IMMP2L: variants seen among roughly 807,000 people sequenced by gnomAD.
The protein encoded by IMMP2L is mitochondrial inner membrane protease subunit 2.
IMMP2L carries 18 observed loss-of-function variants against 19.3 expected under a neutral mutation model. The ratio of observed to expected loss-of-function variants is 0.93; its 90% confidence interval spans 0.64 to 1.38. The LOEUF is 1.38. Ranked by LOEUF, IMMP2L falls within the 40% of genes most tolerant of loss-of-function variation. The pLI, the probability that IMMP2L is intolerant of heterozygous loss-of-function variation, is 0.00. For synonymous variants in IMMP2L, 76 were observed against 73.0 expected, an observed-to-expected ratio of 1.04 and a Z score of -0.21; for missense variants, 233 against 218.2, an observed-to-expected ratio of 1.07 and a Z score of -0.43.
intron 3 of IMMP2L, chr7:111,124,749 C>T (rs775332677): frequency 1.2e-6 from 2 of 1,613,814 alleles, no homozygotes; most frequent in Non-Finnish European, 1.7e-6. Context: ...ATGGTGGACA[C>T]AGCTATGTGA....
intron 5 of IMMP2L, among the ~76,000 whole-genome samples, chr7:110,699,666 G>T (rs1006264397): frequency 1.1e-4 from 16 of 151,800 alleles, no homozygotes; most frequent in African/African-American, 3.4e-4. Flanking sequence ...AGCTGGGGAG[G>T]CTGAGGCAGG....
chr7:111,428,467 T>C (rs1256789639), intron 3 of IMMP2L, among the ~76,000 whole-genome samples: 1 of 151,812 alleles, frequency 6.6e-6, no homozygotes, highest in Admixed American at 6.6e-5. Flanking sequence ...ATGCTTCATA[T>C]GTGAAATAAA....
chr7:111,546,373 A>T (rs537861666), intron 1 of IMMP2L, among the ~76,000 whole-genome samples: 22 of 150,362 alleles, frequency 1.5e-4, no homozygotes, highest in Non-Finnish European at 6.0e-5. Flanking sequence ...ATTAGGTTTT[A>T]AAAAAAGGCA....
intron 3 of IMMP2L, among the ~76,000 whole-genome samples, chr7:111,155,887 A>G (rs1288163408): frequency 6.6e-6 from 1 of 152,070 alleles, no homozygotes; most frequent in Non-Finnish European, 1.5e-5. Context: ...TTGCCTCTTT[A>G]AAAGTAACAA....
intron 3 of IMMP2L, among the ~76,000 whole-genome samples, chr7:111,087,910 C>T (rs1796496086): frequency 6.6e-6 from 1 of 152,242 alleles, no homozygotes; most frequent in African/African-American, 2.4e-5. Context: ...ACCCGGTATA[C>T]ATATTAACTG....
intron 5 of IMMP2L, among the ~76,000 whole-genome samples, chr7:110,775,608 A>T (rs1177792667): frequency 2.6e-5 from 4 of 152,088 alleles, no homozygotes; most frequent in Non-Finnish European, 4.4e-5. Context: ...GTTCAAAGCC[A>T]TACCTAGAGG....
At chr7:110,804,449 G>C (rs1277250516) in intron 5 of IMMP2L, among the ~76,000 whole-genome samples, 2 of 151,962 alleles carry the variant, frequency 1.3e-5, no homozygotes, top group African/African-American at 4.8e-5. Flanking sequence ...CCTATCACTT[G>C]TGGGATTGAC....
chr7:111,460,947 C>T (rs940768708), intron 3 of IMMP2L, among the ~76,000 whole-genome samples: 1 of 151,972 alleles, frequency 6.6e-6, no homozygotes, highest in African/African-American at 2.4e-5. Context: ...TTTTTGCTTG[C>T]TTATTTGATT....
intron 3 of IMMP2L, among the ~76,000 whole-genome samples, chr7:110,998,607 T>A (rs973104391): frequency 1.3e-5 from 2 of 152,154 alleles, no homozygotes; most frequent in African/African-American, 2.4e-5. Context: ...TTAGGAAAAT[T>A]TTCTGGATTC....
intron 3 of IMMP2L, among the ~76,000 whole-genome samples, chr7:111,126,608 T>C (rs1403976428): frequency 6.6e-6 from 1 of 152,084 alleles, no homozygotes; most frequent in Non-Finnish European, 1.5e-5. Flanking sequence ...AAGTGCCAAG[T>C]ACATTAGTAG....
chr7:111,283,920 G>A (rs372937877), intron 3 of IMMP2L, among the ~76,000 whole-genome samples: 4 of 137,218 alleles, frequency 2.9e-5, no homozygotes, highest in East Asian at 2.1e-4. Flanking sequence ...GCAGTGAGCC[G>A]AGATCCCGCC....
At chr7:110,907,373 G>A (rs1286157626) in intron 4 of IMMP2L, among the ~76,000 whole-genome samples, 1 of 152,136 alleles carries the variant, frequency 6.6e-6, no homozygotes, top group African/African-American at 2.4e-5. Flanking sequence ...CCTCTCTGAA[G>A]CTATGCCATC....
Position 110,785,082 on chromosome 7 carries a change from T to G in IMMP2L, c.408+101511A>C, listed in dbSNP as rs1054833428. ...TGACATTCTTTTTAGAAGAATAGATTCAGATATGATAAGTAAATTTTGGTG... is the reference window on the plus strand; with the variant it reads ...TGACATTCTTTTTAGAAGAATAGATGCAGATATGATAAGTAAATTTTGGTG... On this transcript the variant is annotated intron_variant, in intron 5 of 5. Transcript: ENST00000405709. 2.0e-5 allele frequency among the ~76,000 whole-genome samples: 3 copies of G among 151,932 alleles called. No homozygotes were observed. The East Asian group carries it at 5.8e-4, about 30-fold the overall frequency.
intron 5 of IMMP2L, among the ~76,000 whole-genome samples, chr7:110,748,168 T>C (rs1797482696): frequency 6.6e-6 from 1 of 151,930 alleles, no homozygotes; most frequent in Non-Finnish European, 1.5e-5. Context: ...GAGAATAAAA[T>C]ACCTAGGAAC....
chr7:111,387,386 T>C (rs991275433), intron 3 of IMMP2L, among the ~76,000 whole-genome samples: 1 of 152,178 alleles, frequency 6.6e-6, no homozygotes, highest in African/African-American at 2.4e-5. Flanking sequence ...ACTTTGTTAC[T>C]TGAAAATAAA....
At chr7:111,315,932 A>G (rs1234442384) in intron 3 of IMMP2L, among the ~76,000 whole-genome samples, 3 of 152,148 alleles carry the variant, frequency 2.0e-5, no homozygotes, top group Non-Finnish European at 4.4e-5. Context: ...CATTCTGAGA[A>G]AAGCATATAG....
chr7:111,155,892 TA>T (rs1804595101), intron 3 of IMMP2L, among the ~76,000 whole-genome samples: 1 of 152,076 alleles, frequency 6.6e-6, no homozygotes, highest in African/African-American at 2.4e-5. Flanking sequence ...TCTTTAAAAG[TA>T]ACAAAAATTT....
chr7:110,834,723 T>C (rs1210942176), intron 5 of IMMP2L, among the ~76,000 whole-genome samples: 1 of 152,174 alleles, frequency 6.6e-6, no homozygotes, highest in East Asian at 1.9e-4. Flanking sequence ...CAGTGCAAAG[T>C]ATGAAAGTAG....
At chr7:111,551,780 G>C (rs1049717163) in intron 1 of IMMP2L, among the ~76,000 whole-genome samples, 1 of 151,990 alleles carries the variant, frequency 6.6e-6, no homozygotes, top group African/African-American at 2.4e-5. Context: ...GTCCAGCTCA[G>C]TAAACACTGA....
Sources: gnomAD v4.1 joint callset for allele counts (sites outside exome capture counted in the v4.1 genomes callset) on GRCh38, gnomAD v4.1.1 for gene constraint, MANE v1.5 for transcripts, NCBI Gene and HGNC (gene_info 2026-07-23, HGNC 2026-07-21) for gene names.